NEGR1: variants seen among roughly 807,000 people sequenced by gnomAD.
NEGR1 encodes the protein neuronal growth regulator 1, also known as IgLON family member 4.
Under a neutral mutation model 40.9 loss-of-function variants are expected in NEGR1, and 10 were observed. The ratio of observed to expected loss-of-function variants is 0.24; its 90% CI spans 0.15 to 0.42. NEGR1 has a LOEUF of 0.42. Among genes scored for constraint, NEGR1 ranks in the 10% least tolerant of loss-of-function variants. The pLI is 1.00. For missense variants in NEGR1, 352 were observed against 438.9 expected (o/e 0.80, Z 1.77); for synonymous variants, 185 against 166.8 (o/e 1.11, Z -0.84).
At chr1:71,972,645 A>G (rs976299271) in intron 1 of NEGR1, among the ~76,000 whole-genome samples, 1 of 152,134 alleles carries the variant, frequency 6.6e-6, no homozygotes, top group African/African-American at 2.4e-5. Flanking sequence ...AATCTTACCA[A>G]ATAGCTACGA....
At chr1:71,462,602 T>C (rs1646721408) in intron 6 of NEGR1, among the ~76,000 whole-genome samples, 1 of 152,056 alleles carries the variant, frequency 6.6e-6, no homozygotes. Context: ...TAAAAGCCAG[T>C]GATTACACTG....
chr1:72,172,337 C>G (rs1651993592), intron 1 of NEGR1, among the ~76,000 whole-genome samples: 1 of 152,016 alleles, frequency 6.6e-6, no homozygotes, highest in Non-Finnish European at 1.5e-5. Flanking sequence ...ACAATGTACT[C>G]TTCTTCAAAA....
At chr1:71,499,634 T>C (rs373868207) in intron 6 of NEGR1, among the ~76,000 whole-genome samples, 4 of 151,650 alleles carry the variant, frequency 2.6e-5, no homozygotes, top group East Asian at 3.9e-4. Flanking sequence ...AGGATAGAAA[T>C]ATTATAAACT....
chr1:71,534,679 T>C (rs772646328), intron 6 of NEGR1, among the ~76,000 whole-genome samples: 23 of 151,710 alleles, frequency 1.5e-4, no homozygotes, highest in Non-Finnish European at 2.8e-4. Flanking sequence ...TGAGAATTAT[T>C]CCATTTTCCA....
intron 2 of NEGR1, among the ~76,000 whole-genome samples, chr1:71,843,878 CT>C (rs1659320784): frequency 6.6e-6 from 1 of 152,112 alleles, no homozygotes; most frequent in Non-Finnish European, 1.5e-5. Flanking sequence ...CTTAACATGT[CT>C]AATTGGCAGG....
At chr1:71,529,664 G>A (rs1383709078) in intron 6 of NEGR1, among the ~76,000 whole-genome samples, 1 of 150,976 alleles carries the variant, frequency 6.6e-6, no homozygotes, top group African/African-American at 2.4e-5. Context: ...AGATTACACT[G>A]GTTTAGTAAG....
intron 1 of NEGR1, among the ~76,000 whole-genome samples, chr1:71,970,657 C>T (rs1402587229): frequency 6.6e-6 from 1 of 152,036 alleles, no homozygotes; most frequent in Non-Finnish European, 1.5e-5. Flanking sequence ...CACTGCAATC[C>T]ACCCTGGGCA....
intron 6 of NEGR1, among the ~76,000 whole-genome samples, chr1:71,512,937 T>C (rs1230370146): frequency 6.6e-6 from 1 of 152,158 alleles, no homozygotes; most frequent in Non-Finnish European, 1.5e-5. Flanking sequence ...TAAGATACAG[T>C]GGAAAGTAAT....
intron 1 of NEGR1, among the ~76,000 whole-genome samples, chr1:72,225,678 A>G (rs186127876): frequency 6.6e-6 from 1 of 151,682 alleles, no homozygotes; most frequent in East Asian, 1.9e-4. Context: ...CATTTAGTAC[A>G]TTTTTAACTG....
chr1:71,665,688 A>G (rs569086373), intron 4 of NEGR1, among the ~76,000 whole-genome samples: 18 of 152,098 alleles, frequency 1.2e-4, no homozygotes, highest in African/African-American at 4.1e-4. Context: ...TTTTCTTTGA[A>G]TCTACACCAG....
intron 1 of NEGR1, among the ~76,000 whole-genome samples, chr1:72,172,124 A>T (rs74949954): frequency 2.0e-5 from 3 of 152,178 alleles, no homozygotes; most frequent in African/African-American, 7.2e-5. Context: ...CCAAGATGTA[A>T]AATTATAGAA....
In NEGR1 at chr1:72,220,409, C is replaced by T. The variant is rs200864508; in HGVS notation, c.176+61910G>A. Among the ~76,000 whole-genome samples the T allele has an allele frequency of 2.6e-5, 4 of 151,926 alleles. No homozygotes were observed. The East Asian group carries it at 7.7e-4, about 29-fold the overall frequency. ...ATGAATTGTCCCCTCCCCTCCCCTC[C>T]CTGTCCTCTCCTCTTCTCTTCCCTC... On this transcript the variant is annotated intron_variant, in intron 1 of 6. Coordinates refer to ENST00000357731, the MANE Select transcript of NEGR1 (RefSeq NM_173808.3).
intron 2 of NEGR1, among the ~76,000 whole-genome samples, chr1:71,835,854 G>A (rs561676560): frequency 3.3e-5 from 5 of 152,122 alleles, no homozygotes; most frequent in Non-Finnish European, 4.4e-5. Flanking sequence ...AATGGAGTTA[G>A]TGAGATACTA....
chr1:72,071,191 A>G (rs1004940905), intron 1 of NEGR1, among the ~76,000 whole-genome samples: 2 of 152,228 alleles, frequency 1.3e-5, no homozygotes, highest in African/African-American at 4.8e-5. Flanking sequence ...AATGAGAAAA[A>G]AAGTCAGACA....
intron 4 of NEGR1, among the ~76,000 whole-genome samples, chr1:71,674,537 C>T (rs1363759542): frequency 6.6e-6 from 1 of 151,328 alleles, no homozygotes; most frequent in Non-Finnish European, 1.5e-5. Flanking sequence ...TGAATATTTT[C>T]ATAATCCTTT....
intron 6 of NEGR1, among the ~76,000 whole-genome samples, chr1:71,501,240 G>T (rs1208450389): frequency 6.6e-6 from 1 of 151,804 alleles, no homozygotes; most frequent in East Asian, 1.9e-4. Context: ...TAATAACTTG[G>T]CATATATACG....
chr1:72,240,544 C>T (rs571065561), intron 1 of NEGR1, among the ~76,000 whole-genome samples: 4 of 151,908 alleles, frequency 2.6e-5, no homozygotes, highest in South Asian at 4.1e-4. Context: ...AACTTGGCTA[C>T]ACCAGTATGA....
At chr1:71,932,656 T>C (rs980715401) in intron 2 of NEGR1, among the ~76,000 whole-genome samples, 13 of 152,156 alleles carry the variant, frequency 8.5e-5, no homozygotes, top group African/African-American at 2.7e-4. Flanking sequence ...GCTTTGTTTT[T>C]ACCAGCCAAT....
chr1:72,062,095 T>C (rs1366824050), intron 1 of NEGR1, among the ~76,000 whole-genome samples: 1 of 151,898 alleles, frequency 6.6e-6, no homozygotes, highest in African/African-American at 2.4e-5. Context: ...TTCAAGATCC[T>C]TTCCAAATTG....
Sources: gnomAD v4.1 joint callset for allele counts (sites outside exome capture counted in the v4.1 genomes callset) on GRCh38, gnomAD v4.1.1 for gene constraint, MANE v1.5 for transcripts, NCBI Gene and HGNC (gene_info 2026-07-23, HGNC 2026-07-21) for gene names.